The following CILP2 variants were observed in gnomAD, a reference collection of about 807,000 sequenced individuals.
CILP2 encodes CILP-2.
CILP2 carries 38 observed loss-of-function variants against 45.6 expected under a neutral mutation model. The observed-to-expected ratio is 0.83, with a 90% confidence interval of 0.64 to 1.09. The LOEUF (loss-of-function observed/expected upper bound fraction) is 1.09. Among genes scored for constraint, CILP2 ranks in the 50% least tolerant of loss-of-function variants. CILP2 has a pLI of 0.00. For missense variants in CILP2, 1,735 were observed against 1,662.2 expected (o/e 1.04, Z -0.76); for synonymous variants, 780 against 723.5 (o/e 1.08, Z -1.25).
At chr19:19,540,113 G>A (rs1252886033) in intron 2 of CILP2, 91 bp from the exon 3 acceptor site, 2 of 1,399,078 alleles carry the variant, frequency 1.4e-6, no homozygotes, top group Admixed American at 2.9e-5. Flanking sequence ...CCCACCGGGG[G>A]AGGGGGCTGA....
chr19:19,543,803 TGCCCCAGCCTGGCAGGCTCCA>T lies in CILP2; in HGVS notation c.1264_1284del (p.Ser422_Pro428del). 1 of 1,613,788 alleles carries T rather than the reference TGCCCCAGCCTGGCAGGCTCCA, an allele frequency of 6.2e-7. No individual in the cohort carries two copies. The highest frequency in any genetic ancestry group is 8.5e-7 in the Non-Finnish European group (1 of 1,179,908). ...TGTGGGCCTCTGTCCCGACACCCGC[TGCCCCAGCCTGGCAGGCTCCA>T]GCCCCCGCTGCGGGGACGCCAGCTC... is the stretch of plus-strand genomic sequence containing the variant. On this transcript the variant is annotated inframe_deletion, in exon 8 of 8. Transcript: ENST00000291495.
chr19:19,538,425 C>G lies in CILP2; in HGVS notation c.64+12C>G, dbSNP rs1252109892. 4 of 1,524,734 alleles carry G rather than the reference C, an allele frequency of 2.6e-6. No individual in the cohort carries two copies. Among genetic ancestry groups the G allele is most frequent in the South Asian group, 1.2e-5 (1 of 82,744 alleles). The allele number at this position is 1,524,734 out of a possible 1,614,324, so 94.5% of individuals were successfully genotyped here. On this transcript the variant is annotated intron_variant, in intron 1 of 7. Coordinates refer to ENST00000291495, the MANE Select transcript of CILP2 (RefSeq NM_153221.2). The stretch of plus-strand genomic sequence containing the variant: ...GGCGGGGGCCCGAGGTGAGGCGCCT[C>G]CAGCCCCCGCGCCCAGCCCCTGAGG...
chr19:19,542,739 G>A (rs748091547), intron 5 of CILP2, 89 bp downstream of exon 5: 22 of 1,589,674 alleles, frequency 1.4e-5, no homozygotes, highest in Non-Finnish European at 1.7e-5. Flanking sequence ...GAAATGAGAT[G>A]TGACACAGTC....
rs2061250885 is a variant in CILP2 at position 19,543,255 on chromosome 19, A to G, written c.985A>G (p.Asn329Asp). 1 of 1,612,924 alleles carries G rather than the reference A, an allele frequency of 6.2e-7. No individual in the cohort carries two copies. Among genetic ancestry groups the G allele is most frequent in the Non-Finnish European group, 8.5e-7 (1 of 1,179,822 alleles). The change falls in exon 7 of 8, where the codon AAT becomes GAT. Residue 329 changes from asparagine to aspartate, a missense_variant. Coordinates refer to ENST00000291495, the MANE Select transcript of CILP2 (RefSeq NM_153221.2). Reference sequence around the variant, plus strand: ...CGCTCACCTGCCATCCAGGTTCCACAATGGGACCCTGCTGGACAGGCGAGC... The same window carrying G: ...CGCTCACCTGCCATCCAGGTTCCACGATGGGACCCTGCTGGACAGGCGAGC... ...PMPKKYSWFHNGTLLDRRAHG... is the reference protein window; with the variant it reads ...PMPKKYSWFHDGTLLDRRAHG...
At position 19,543,758 on chromosome 19, in the gene CILP2, A is replaced by C; in HGVS notation, c.1213A>C (p.Ser405Arg). ...KLPEDCGQPG[S>R]GPAYLDVGLC... Reference sequence around the variant, plus strand: ...CCCTGAGGACTGTGGTCAGCCAGGTAGTGGCCCTGCCTACCTGGATGTGGG... The same window carrying C: ...CCCTGAGGACTGTGGTCAGCCAGGTCGTGGCCCTGCCTACCTGGATGTGGG... The change falls in exon 8 of 8, where the codon AGT (serine) becomes CGT (arginine). Residue 405 changes from serine to arginine, a missense_variant. By Grantham distance (110) the Ser-to-Arg change is moderately radical. Coordinates refer to ENST00000291495, the MANE Select transcript of CILP2 (RefSeq NM_153221.2). 6.2e-7 allele frequency: 1 copy of C among 1,613,712 alleles called. No individual in the cohort carries two copies. The highest frequency in any genetic ancestry group is 1.1e-5 in the South Asian group (1 of 91,050).
chr19:19,538,407 G>A lies in CILP2; in HGVS notation c.58G>A (p.Ala20Thr). ...TGTCGTCGCTGCGCACCTGGCGGGG[G>A]CCCGAGGTGAGGCGCCTCCAGCCCC... ...LCVVAAHLAG[A>T]RDATPTEEPM... The change falls in exon 1 of 8, where the codon GCC becomes ACC. Residue 20 changes from alanine to threonine, a missense_variant. Coordinates refer to ENST00000291495, the MANE Select transcript of CILP2 (RefSeq NM_153221.2). 1.9e-6 allele frequency: 3 copies of A among 1,551,730 alleles called. No homozygotes were observed. The highest frequency in any genetic ancestry group is 2.6e-6 in the Non-Finnish European group (3 of 1,157,606).
Position 19,542,417 on chromosome 19 carries a change from T to C in CILP2, c.635T>C (p.Leu212Pro). 14 of 1,612,120 alleles carry C rather than the reference T, an allele frequency of 8.7e-6. No homozygotes were observed. The highest frequency in any genetic ancestry group is 1.2e-5 in the Non-Finnish European group (14 of 1,179,920). Residue 212 changes from leucine to proline, a missense_variant, in exon 5 of 8, where the codon CTG becomes CCG. By Grantham distance (98) the Leu-to-Pro change is moderately conservative (BLOSUM62 -3). Coordinates refer to ENST00000291495, the MANE Select transcript of CILP2 (RefSeq NM_153221.2). ...DTCECPDHIL[L>P]GSVVTPSGQP... The stretch of plus-strand genomic sequence containing the variant: ...TGTGAATGCCCGGACCACATCCTCC[T>C]GGGCTCGGTGGTCACCCCATCTGGG...
In CILP2 at chr19:19,546,163, A is replaced by G; in HGVS notation, c.*147A>G. 3.5e-6 allele frequency: 2 copies of G among 570,092 alleles called. No homozygotes were observed. The highest frequency in any genetic ancestry group is 4.4e-5 in the South Asian group (1 of 22,818). 35.3% of individuals were successfully genotyped at this position (570,092 alleles called of 1,614,324 possible). On this transcript the variant is annotated 3_prime_UTR_variant, in exon 8 of 8. Coordinates refer to ENST00000291495, the MANE Select transcript of CILP2 (RefSeq NM_153221.2). ...TTCCAGAACTCAGAGTCAGACAAGA[A>G]CCCAGAGCATCCGATGGTAGAAACA... is the stretch of plus-strand genomic sequence containing the variant.
intron 3 of CILP2, 174 bp downstream of exon 3, chr19:19,540,650 C>T (rs1012341607): frequency 1.3e-6 from 1 of 742,356 alleles, no homozygotes; most frequent in Non-Finnish European, 2.0e-6. Context: ...CGGGGCCAGG[C>T]AGGGCGGGGC....
Position 19,544,902 on chromosome 19 carries a change from C to T in CILP2, c.2357C>T (p.Thr786Ile), listed in dbSNP as rs1431205836. 1.4e-5 allele frequency: 23 copies of T among 1,589,000 alleles called. No homozygotes were observed. The highest frequency in any genetic ancestry group is 2.7e-5 in the African/African-American group (2 of 74,456). ...RAWGRFDSAVTGPNGACLPAF... is the reference protein window; with the variant it reads ...RAWGRFDSAVIGPNGACLPAF... ...TGGGGCCGCTTTGACAGCGCGGTCACCGGCCCCAATGGCGCCTGCCTCCCC... is the reference window on the plus strand; with the variant it reads ...TGGGGCCGCTTTGACAGCGCGGTCATCGGCCCCAATGGCGCCTGCCTCCCC... The change falls in exon 8 of 8, where the codon ACC (threonine) becomes ATC (isoleucine). Residue 786 changes from threonine to isoleucine, a missense_variant. Transcript: ENST00000291495.
At chr19:19,543,490 C>T in intron 7 of CILP2, 85 bp downstream of exon 7, 1 of 1,525,610 alleles carries the variant, frequency 6.6e-7, no homozygotes, top group Non-Finnish European at 9.0e-7. Flanking sequence ...AAATGGAGCC[C>T]CCACTTCAGA....
In CILP2 at chr19:19,545,747, A is replaced by G. The variant is rs147526697; in HGVS notation, c.3202A>G (p.Ser1068Gly). 2,602 of 1,612,338 alleles carry G rather than the reference A, an allele frequency of 1.6e-3. 17 individuals carry two copies. The highest frequency in any genetic ancestry group is 0.012 in the Middle Eastern group (70 of 6,054). ...NYGVYTVTDQSPRLAKEIAIG... is the reference protein window; with the variant it reads ...NYGVYTVTDQGPRLAKEIAIG... The stretch of plus-strand genomic sequence containing the variant: ...TGGCGTCTACACTGTCACTGACCAG[A>G]GCCCACGCTTGGCCAAGGAGATCGC... The change falls in exon 8 of 8, where the codon AGC becomes GGC. Residue 1068 changes from serine (S) to glycine (G), a missense_variant. Ser to Gly is a moderately conservative substitution (Grantham distance 56). Transcript: ENST00000291495.
chr19:19,543,139 G>A, intron 6 of CILP2, 109 bp from the exon 7 acceptor site: 2 of 1,233,208 alleles, frequency 1.6e-6, no homozygotes, highest in South Asian at 2.7e-5. Flanking sequence ...AGTCTTGCTG[G>A]GGAGGAGGCT....
chr19:19,538,295 T>A lies in CILP2; in HGVS notation c.-55T>A, dbSNP rs1330613909. 6.6e-7 allele frequency: 1 copy of A among 1,510,900 alleles called. No homozygotes were observed. The highest frequency in any genetic ancestry group is 1.4e-5 in the African/African-American group (1 of 70,398). The allele number at this position is 1,510,900 out of a possible 1,614,324, so 93.6% of individuals were successfully genotyped here. On this transcript the variant is annotated 5_prime_UTR_variant, in exon 1 of 8. Coordinates refer to ENST00000291495, the MANE Select transcript of CILP2 (RefSeq NM_153221.2). The stretch of plus-strand genomic sequence containing the variant: ...CAGCGGCCGCCAGACCCGCCGGAGT[T>A]GGACCCGAGCACGCCGCGGAGCCCG...
Position 19,544,475 on chromosome 19 carries a change from TC to T in CILP2, c.1932del (p.Val645TrpfsTer40). 2 of 1,606,960 alleles carry T rather than the reference TC, an allele frequency of 1.2e-6. No individual in the cohort carries two copies. Among genetic ancestry groups the T allele is most frequent in the Non-Finnish European group, 1.7e-6 (2 of 1,179,260 alleles). ...TCCACTGCGCACCTACGGCATGTTC[TC>T]CGTGGACCTCCGTGCGCCCGGCTCC... ...LAPLRTYGMF[S>X]VDLRAPGSAE... On this transcript the variant is annotated frameshift_variant, in exon 8 of 8. Transcript: ENST00000291495. LOFTEE classifies it low-confidence loss of function (END_TRUNC).
At chr19:19,542,304 T>G in intron 4 of CILP2, 71 bp from the exon 5 acceptor site, 1 of 1,520,236 alleles carries the variant, frequency 6.6e-7, no homozygotes, top group Non-Finnish European at 8.8e-7. Context: ...AGTGACTGAT[T>G]GAATGGAAAG....
In CILP2 at chr19:19,546,032, C is replaced by G. The variant is rs745460967; in HGVS notation, c.*16C>G. The G allele has an allele frequency of 5.6e-6, 8 of 1,437,028 alleles. No homozygotes were observed. The highest frequency in any genetic ancestry group is 2.6e-5 in the Admixed American group (1 of 38,632). 89.0% of individuals were successfully genotyped at this position (1,437,028 alleles called of 1,614,324 possible). A position where few individuals can be genotyped will look rare whatever the true frequency, so the allele number is the denominator to read the frequency against. On this transcript the variant is annotated 3_prime_UTR_variant, in exon 8 of 8. Coordinates refer to ENST00000291495, the MANE Select transcript of CILP2 (RefSeq NM_153221.2). ...CCGGCAGTGACCTGGGCAGGGGCCT[C>G]GCTTTCCCACCTCCCTCCAGACTCC...
chr19:19,540,644 G>C, intron 3 of CILP2, 168 bp downstream of exon 3: 1 of 796,152 alleles, frequency 1.3e-6, no homozygotes. Context: ...AGGGGGCGGG[G>C]CCAGGCAGGG....
chr19:19,539,830 G>A lies in CILP2; in HGVS notation c.163+53G>A, dbSNP rs1293835682. ...CTCTGCTGCGGGCTTGTTGGGGGTG[G>A]GGCTTGGGCTACTGGGGTCGTGTGA... On this transcript the variant is annotated intron_variant, in intron 2 of 7. Transcript: ENST00000291495. 7.0e-6 allele frequency: 10 copies of A among 1,426,854 alleles called. No individual in the cohort carries two copies. The African/African-American group carries it at 1.0e-4, about 15-fold the overall frequency. The allele number at this position is 1,426,854 out of a possible 1,614,324, so 88.4% of individuals were successfully genotyped here.
Sources: allele counts gnomAD v4.1 joint callset, GRCh38; gene constraint gnomAD v4.1.1; transcripts MANE v1.5; gene names NCBI Gene and HGNC (gene_info 2026-07-23, HGNC 2026-07-21).